The following DMC1 variants were observed in gnomAD, a reference collection of about 807,000 sequenced individuals.
DMC1 encodes meiotic recombination protein DMC1 homolog.
Under a neutral mutation model 50.1 loss-of-function variants are expected in DMC1, and 27 were observed. That is an observed-to-expected ratio of 0.54 (90% CI 0.40 to 0.74). The LOEUF is 0.74. Ranked by LOEUF, DMC1 falls within the 30% of genes least tolerant of loss-of-function variation. The probability of loss-of-function intolerance (pLI) is 0.00; values close to 1 mark genes in which losing one functional copy is unlikely to be tolerated. For synonymous variants in DMC1, 148 were observed against 136.1 expected (o/e 1.09, Z -0.61); for missense variants, 295 against 420.2 (o/e 0.70, Z 2.60).
chr22:38,552,896 G>A (rs191702802), intron 6 of DMC1, among the ~76,000 whole-genome samples, 189 bp from the exon 7 acceptor site: 3 of 151,218 alleles, frequency 2.0e-5, no homozygotes, highest in Admixed American at 2.0e-4. Flanking sequence ...CACTCAGGCT[G>A]GAGTGCAGTG....
intron 8 of DMC1, among the ~76,000 whole-genome samples, chr22:38,547,367 AAAAC>A (rs2145913495): frequency 6.6e-6 from 1 of 152,284 alleles, no homozygotes; most frequent in African/African-American, 2.4e-5. Flanking sequence ...GGGATGGACT[AAAAC>A]AGATTCATCT....
At chr22:38,557,660 GT>G (rs1255159325) in intron 5 of DMC1, among the ~76,000 whole-genome samples, 2 of 152,042 alleles carry the variant, frequency 1.3e-5, no homozygotes, top group African/African-American at 4.8e-5. Flanking sequence ...GTGAGACCGT[GT>G]CTCAAAAAAT....
At chr22:38,516,384 G>C (rs753635823), downstream of DMC1, among the ~76,000 whole-genome samples, 2 of 152,018 alleles carry the variant, frequency 1.3e-5, no homozygotes, top group African/African-American at 4.8e-5. Flanking sequence ...ATTGTCCTTC[G>C]TCAGGGGTAC....
At chr22:38,559,505 G>A (rs1458386909) in intron 5 of DMC1, among the ~76,000 whole-genome samples, 2 of 152,064 alleles carry the variant, frequency 1.3e-5, no homozygotes, top group African/African-American at 4.8e-5. Flanking sequence ...GATTTCACAG[G>A]CTAGTGTGCG....
chr22:38,543,998 C>G (rs2090315407), intron 8 of DMC1, among the ~76,000 whole-genome samples: 1 of 152,184 alleles, frequency 6.6e-6, no homozygotes, highest in African/African-American at 2.4e-5. Flanking sequence ...CTCCCTTGTT[C>G]AGATGTGCTC....
At chr22:38,557,956 CTTTTTTTTTTTT>C (rs753724944) in intron 5 of DMC1, among the ~76,000 whole-genome samples, 3 of 62,714 alleles carry the variant, frequency 4.8e-5, no homozygotes, top group Admixed American at 2.0e-4. Context: ...AGACAAAGTT[CTTTTTTTTTTTT>C]TTTTTTTTTT....
intron 9 of DMC1, 102 bp from the exon 10 acceptor site, chr22:38,538,714 A>G: frequency 9.9e-7 from 1 of 1,014,558 alleles, no homozygotes; most frequent in South Asian, 1.3e-5. Flanking sequence ...TCCTTGAAGG[A>G]TTTTCTTAAT....
the DMC1 span, among the ~76,000 whole-genome samples, chr22:38,510,433 C>T: frequency 1.3e-5 from 2 of 152,098 alleles, no homozygotes; most frequent in African/African-American, 4.8e-5. Context: ...CCAACCTGAG[C>T]GACAGAGCAA....
chr22:38,538,219 C>T, intron 11 of DMC1, 76 bp downstream of exon 11: 2 of 1,225,268 alleles, frequency 1.6e-6, no homozygotes, highest in Non-Finnish European at 2.4e-6. Context: ...TGCCTCCTGA[C>T]ATTATATTCC....
At chr22:38,550,068 A>C (rs1457083775) in intron 7 of DMC1, 71 bp from the exon 8 acceptor site, 17 of 1,102,996 alleles carry the variant, frequency 1.5e-5, no homozygotes, top group Non-Finnish European at 2.3e-5. Context: ...ATAAATACAC[A>C]TGGAATCTGC....
downstream of DMC1, among the ~76,000 whole-genome samples, chr22:38,517,177 C>A (rs1314184318): frequency 3.3e-5 from 5 of 152,164 alleles, no homozygotes; most frequent in South Asian, 2.1e-4. Flanking sequence ...AGTTAGTTTG[C>A]GCATCAAAGG....
chr22:38,557,798 T>A (rs955467469), intron 5 of DMC1, among the ~76,000 whole-genome samples: 1 of 152,118 alleles, frequency 6.6e-6, no homozygotes, highest in Non-Finnish European at 1.5e-5. Context: ...AATGGTACAT[T>A]CCTTCAATTT....
intron 7 of DMC1, among the ~76,000 whole-genome samples, chr22:38,551,722 A>G (rs2090413060): frequency 6.6e-6 from 1 of 152,066 alleles, no homozygotes; most frequent in Non-Finnish European, 1.5e-5. Context: ...AACAATCCTA[A>G]CATTTGGCAC....
intron 7 of DMC1, 62 bp downstream of exon 7, chr22:38,552,604 T>C (rs1319852346): frequency 4.5e-6 from 5 of 1,120,144 alleles, no homozygotes; most frequent in Non-Finnish European, 6.8e-6. Flanking sequence ...ATCAGGCACA[T>C]AGTAGATGTT....
At chr22:38,527,315 C>T (rs2092542438) in intron 12 of DMC1, among the ~76,000 whole-genome samples, 1 of 152,080 alleles carries the variant, frequency 6.6e-6, no homozygotes, top group Non-Finnish European at 1.5e-5. Flanking sequence ...AGCAATTCTC[C>T]TGCCTCAGCC....
intron 5 of DMC1, among the ~76,000 whole-genome samples, chr22:38,555,685 A>G (rs1027789297): frequency 3.3e-5 from 5 of 152,110 alleles, no homozygotes; most frequent in African/African-American, 1.2e-4. Context: ...GAACCTGGGA[A>G]TACTGCATGC....
intron 12 of DMC1, among the ~76,000 whole-genome samples, chr22:38,527,482 G>T (rs975996148): frequency 1.3e-5 from 2 of 151,552 alleles, no homozygotes; most frequent in Non-Finnish European, 2.9e-5. Context: ...TGGGATTACA[G>T]GTGTGAGCCA....
At chr22:38,554,248 C>T (rs2090445539) in intron 6 of DMC1, among the ~76,000 whole-genome samples, 1 of 152,060 alleles carries the variant, frequency 6.6e-6, no homozygotes, top group Admixed American at 6.6e-5. Context: ...TAAACTGGTG[C>T]CATCCCCTAG....
At chr22:38,514,952 T>A (rs1212696619), downstream of DMC1, among the ~76,000 whole-genome samples, 3 of 150,264 alleles carry the variant, frequency 2.0e-5, no homozygotes, top group African/African-American at 7.3e-5. Flanking sequence ...ATTCTTTTTT[T>A]TTTTTTTTTT....
Sources: allele counts gnomAD v4.1 joint callset (sites outside exome capture counted in the v4.1 genomes callset), GRCh38; gene constraint gnomAD v4.1.1; transcripts MANE v1.5; gene names NCBI Gene and HGNC (gene_info 2026-07-23, HGNC 2026-07-21).